The following DOCK2 variants were observed in gnomAD, a reference collection of about 807,000 sequenced individuals.
DOCK2 encodes the protein dedicator of cytokinesis 2, also known as dedicator of cytokinesis protein 2.
A neutral mutation model predicts 248.9 loss-of-function variants in DOCK2; 87 were observed. The observed-to-expected ratio is 0.35, with a 90% CI of 0.29 to 0.42. DOCK2 has a LOEUF of 0.42. DOCK2 is among the 10% of genes least tolerant of loss of function. The pLI is 1.00. For synonymous variants in DOCK2, 805 were observed against 821.6 expected (o/e 0.98, Z 0.35); for missense variants, 1,747 against 2,300.2 (o/e 0.76, Z 4.92).
chr5:169,893,790 G>A (rs1773433796), intron 27 of DOCK2, among the ~76,000 whole-genome samples: 1 of 152,210 alleles, frequency 6.6e-6, no homozygotes, highest in Non-Finnish European at 1.5e-5. Flanking sequence ...CCACTTCTAA[G>A]TTATTTTTCA....
At position 169,905,293 on chromosome 5, in the gene DOCK2, G is replaced by GTT. The variant is rs35677067; in HGVS notation, c.2799+64454_2799+64455dup. ...CAGGAGCAGTACTGTTAGAGCCAGT[G>GTT]TTTTTTTTTTTTTTCAGGAGAAGCC... On this transcript the variant is annotated intron_variant, in intron 27 of 51. Transcript: ENST00000520908. 9.9e-3 allele frequency among the ~76,000 whole-genome samples: 1,448 copies of GTT among 146,014 alleles called. 10 individuals are homozygous for GTT. Among genetic ancestry groups the GTT allele is most frequent in the South Asian group, 0.015 (68 of 4,600 alleles).
chr5:169,896,048 C>T (rs1218197590), intron 27 of DOCK2, among the ~76,000 whole-genome samples: 1 of 152,168 alleles, frequency 6.6e-6, no homozygotes, highest in Non-Finnish European at 1.5e-5. Context: ...GGCCAACGAC[C>T]AGGACAGCCT....
At chr5:169,765,100 A>ACACACACC (rs1450885979) in intron 25 of DOCK2, among the ~76,000 whole-genome samples, 3 of 151,576 alleles carry the variant, frequency 2.0e-5, no homozygotes, top group African/African-American at 7.3e-5. Flanking sequence ...ACACACACAC[A>ACACACACC]CACCCCACAC....
At chr5:170,042,183 G>T in intron 38 of DOCK2, 51 bp downstream of exon 38, 3 of 1,546,450 alleles carry the variant, frequency 1.9e-6, no homozygotes, top group East Asian at 2.4e-5. Flanking sequence ...CTGGAAGGAT[G>T]GTTCTCTCCC....
chr5:169,677,559 C>T (rs1759405028), intron 6 of DOCK2, among the ~76,000 whole-genome samples: 1 of 152,162 alleles, frequency 6.6e-6, no homozygotes, highest in Non-Finnish European at 1.5e-5. Flanking sequence ...GATTTTTCCC[C>T]TAAACCTGCT....
intron 25 of DOCK2, among the ~76,000 whole-genome samples, chr5:169,770,347 G>A (rs1359563090): frequency 2.1e-5 from 3 of 140,638 alleles, no homozygotes; most frequent in Non-Finnish European, 1.5e-5. Flanking sequence ...CTAGGCTGAA[G>A]CACAGTGGCA....
At chr5:170,009,409 G>T (rs565434607) in intron 32 of DOCK2, among the ~76,000 whole-genome samples, 10 of 152,286 alleles carry the variant, frequency 6.6e-5, no homozygotes, top group Non-Finnish European at 1.2e-4. Context: ...GAAGTAACTT[G>T]CTTGAAATCA....
intron 30 of DOCK2, among the ~76,000 whole-genome samples, chr5:169,998,349 G>C (rs1754719680): frequency 6.6e-6 from 1 of 152,250 alleles, no homozygotes; most frequent in Admixed American, 6.5e-5. Flanking sequence ...ACCCTTCTGA[G>C]AGCACCAGCC....
chr5:169,665,653 A>G (rs1758683576), intron 2 of DOCK2, among the ~76,000 whole-genome samples: 1 of 152,114 alleles, frequency 6.6e-6, no homozygotes, highest in African/African-American at 2.4e-5. Flanking sequence ...CCTTTGCCAG[A>G]TGCATACACT....
chr5:170,062,128 T>TGTGTGTGTGTGTGTGA (rs778077276), intron 44 of DOCK2, among the ~76,000 whole-genome samples: 2 of 137,836 alleles, frequency 1.5e-5, no homozygotes, highest in Admixed American at 7.1e-5. Context: ...TGTGTGTGTG[T>TGTGTGTGTGTGTGTGA]GAGAGAGAGA....
chr5:169,688,686 ATTTTATATAAATAG>A (rs1486246556), intron 8 of DOCK2, among the ~76,000 whole-genome samples: 3 of 152,140 alleles, frequency 2.0e-5, no homozygotes, highest in East Asian at 3.8e-4. Flanking sequence ...CTGTAGCACA[ATTTTATATAAATAG>A]TGTTACAATG....
chr5:169,698,457 A>G lies in DOCK2; in HGVS notation c.1055+8A>G. On this transcript the variant is annotated splice_region_variant and intron_variant, in intron 11 of 51. Transcript: ENST00000520908. ...CTTCATTCCTTTTCACCCGTAAGAC[A>G]TTTCCCATTTCTTTCCATTCTCTTC... 1 of 1,613,868 alleles carries G rather than the reference A, an allele frequency of 6.2e-7. No homozygotes were observed. Among genetic ancestry groups the G allele is most frequent in the African/African-American group, 1.3e-5 (1 of 75,058 alleles).
intron 44 of DOCK2, among the ~76,000 whole-genome samples, chr5:170,059,997 T>C (rs1353396990): frequency 6.6e-6 from 1 of 152,254 alleles, no homozygotes; most frequent in African/African-American, 2.4e-5. Flanking sequence ...AATGCTCTTC[T>C]AAGTGACTTC....
chr5:169,910,839 C>T (rs373042957), intron 27 of DOCK2, among the ~76,000 whole-genome samples: 1 of 152,202 alleles, frequency 6.6e-6, no homozygotes, highest in South Asian at 2.1e-4. Flanking sequence ...CTCCAGCCCC[C>T]AGTAGGCTCT....
intron 27 of DOCK2, among the ~76,000 whole-genome samples, chr5:169,873,810 A>T (rs991532688): frequency 6.6e-6 from 1 of 152,064 alleles, no homozygotes; most frequent in Non-Finnish European, 1.5e-5. Flanking sequence ...TCCCAGAAGC[A>T]CTCTCAGACC....
At chr5:169,865,806 C>T (rs1771511529) in intron 27 of DOCK2, among the ~76,000 whole-genome samples, 1 of 152,216 alleles carries the variant, frequency 6.6e-6, no homozygotes, top group African/African-American at 2.4e-5. Context: ...TATGATGTGG[C>T]ATGACTGGCC....
At chr5:169,878,894 T>C (rs1456504788) in intron 27 of DOCK2, among the ~76,000 whole-genome samples, 1 of 152,186 alleles carries the variant, frequency 6.6e-6, no homozygotes, top group Non-Finnish European at 1.5e-5. Context: ...CGGAAATCCC[T>C]GCAAGCTCCT....
chr5:169,794,190 C>A (rs1310086612), intron 25 of DOCK2, among the ~76,000 whole-genome samples: 1 of 152,068 alleles, frequency 6.6e-6, no homozygotes, highest in Non-Finnish European at 1.5e-5. Context: ...GGTTCATCAC[C>A]CCTGGAGTCT....
intron 10 of DOCK2, among the ~76,000 whole-genome samples, chr5:169,698,008 T>C (rs903329484): frequency 4.6e-5 from 7 of 152,250 alleles, no homozygotes; most frequent in African/African-American, 1.7e-4. Context: ...CAATCACTGC[T>C]GTCTGGTTTT....
Sources: gnomAD v4.1 joint callset for allele counts (sites outside exome capture counted in the v4.1 genomes callset) on GRCh38, gnomAD v4.1.1 for gene constraint, MANE v1.5 for transcripts, NCBI Gene and HGNC (gene_info 2026-07-23, HGNC 2026-07-21) for gene names.